The following NOL8 variants were observed in gnomAD, a reference collection of about 807,000 sequenced individuals.
The protein encoded by NOL8 is nucleolar protein 8.
In NOL8, 93 loss-of-function variants were observed where a neutral mutation model predicts 116.1. The ratio of observed to expected loss-of-function variants is 0.80; its 90% CI spans 0.68 to 0.95. NOL8 has a LOEUF of 0.95. NOL8 is among the 40% of genes least tolerant of loss of function. NOL8 has a pLI of 0.00. For missense variants in NOL8, 1,291 were observed against 1,382.8 expected (o/e 0.93, Z 1.05); for synonymous variants, 419 against 469.0 (o/e 0.89, Z 1.38).
chr9:92,323,907 A>G, intron 2 of NOL8, 116 bp downstream of exon 2: 1 of 1,151,826 alleles, frequency 8.7e-7, no homozygotes. Context: ...CCTCCACAAC[A>G]TCACTTAAAA....
intron 14 of NOL8, 32 bp downstream of exon 14, chr9:92,299,858 G>T: frequency 6.2e-7 from 1 of 1,604,214 alleles, no homozygotes; most frequent in South Asian, 1.1e-5. Flanking sequence ...TACAAATTAT[G>T]AACTATGCCT....
chr9:92,303,747 G>A (rs925236637), intron 12 of NOL8, among the ~76,000 whole-genome samples: 2 of 152,168 alleles, frequency 1.3e-5, no homozygotes, highest in Non-Finnish European at 2.9e-5. Flanking sequence ...CAAGGCTACA[G>A]TGAGCTATGA....
chr9:92,303,559 T>C (rs540405725), intron 12 of NOL8, among the ~76,000 whole-genome samples: 3 of 152,214 alleles, frequency 2.0e-5, no homozygotes, highest in Non-Finnish European at 4.4e-5. Flanking sequence ...ATCTATTTAC[T>C]ATCTTGCCTG....
chr9:92,324,129 AT>A lies in NOL8; in HGVS notation c.32del (p.Tyr11LeufsTer50). 8 of 1,613,986 alleles carry A rather than the reference AT, an allele frequency of 5.0e-6. No individual in the cohort carries two copies. Among genetic ancestry groups the A allele is most frequent in the Non-Finnish European group, 6.8e-6 (8 of 1,179,858 alleles). The part of the protein sequence containing the change: MKVNRETKRL[Y>X]VGGLSQDISE... ...AAATGTCCTGGCTAAGGCCACCCAC[AT>A]AAAGGCGCTTCGTTTCTCTGTTCAC... On this transcript the variant is annotated frameshift_variant, in exon 2 of 17. Transcript: ENST00000442668. LOFTEE classifies it high-confidence loss of function.
rs374625611 is a variant in NOL8 at position 92,314,611 on chromosome 9, T to C, written c.2014A>G (p.Ile672Val). ...SSSEKRSKNP[I>V]SRPLEGKKSL... is the part of the protein sequence containing the mutation. ...TTCTTACCTTCTAATGGCCTAGAAA[T>C]AGGATTCTTACTTCTCTTTTCAGAA... Residue 672 changes from isoleucine to valine, a missense_variant, in exon 7 of 17, where the codon ATT (isoleucine) becomes GTT (valine). Coordinates refer to ENST00000442668, the MANE Select transcript of NOL8 (RefSeq NM_017948.6). The C allele has an allele frequency of 1.1e-5, 17 of 1,612,724 alleles. No homozygotes were observed. The African/African-American group carries it at 2.1e-4, about 20-fold the overall frequency.
chr9:92,310,960 T>C lies in NOL8; in HGVS notation c.2472+186A>G, dbSNP rs530417348. 4.6e-5 allele frequency: 27 copies of C among 585,362 alleles called. No individual in the cohort carries two copies. The South Asian group carries it at 5.6e-4, about 12-fold the overall frequency. 36.3% of individuals were successfully genotyped at this position (585,362 alleles called of 1,614,324 possible). A position where few individuals can be genotyped will look rare whatever the true frequency, so the allele number is the denominator to read the frequency against. Reference sequence around the variant, plus strand: ...TAATATTGATGTCATGCTGCAGATGTTGTGGAGAATATAGGTTCATATATA... The same window carrying C: ...TAATATTGATGTCATGCTGCAGATGCTGTGGAGAATATAGGTTCATATATA... On this transcript the variant is annotated intron_variant, in intron 8 of 16. Transcript: ENST00000442668.
chr9:92,304,439 A>G (rs1048334979), intron 12 of NOL8, among the ~76,000 whole-genome samples: 7 of 152,238 alleles, frequency 4.6e-5, no homozygotes, highest in African/African-American at 7.2e-5. Flanking sequence ...TACTCAAGGA[A>G]TAACAGAGAA....
intron 11 of NOL8, among the ~76,000 whole-genome samples, chr9:92,306,682 C>CT (rs1454670742): frequency 3.3e-5 from 5 of 152,170 alleles, no homozygotes; most frequent in African/African-American, 1.2e-4. Context: ...GCTATGACAT[C>CT]TAAGTGTATA....
chr9:92,315,773 C>A lies in NOL8; in HGVS notation c.852G>T (p.Lys284Asn). ...DTQKLKNLPF[K>N]TSGLETAKKR... ...TCTTGGCAGTTTCCAAGCCAGAAGT[C>A]TTAAAAGGTAGATTTTTAAGTTTCT... Residue 284 changes from lysine to asparagine, a missense_variant, in exon 7 of 17, where the codon AAG becomes AAT. Physicochemically the swap from Lys to Asn is moderately conservative, Grantham distance 94 (BLOSUM62 0). Coordinates refer to ENST00000442668, the MANE Select transcript of NOL8 (RefSeq NM_017948.6). 1 of 1,613,674 alleles carries A rather than the reference C, an allele frequency of 6.2e-7. No individual in the cohort carries two copies. The highest frequency in any genetic ancestry group is 8.5e-7 in the Non-Finnish European group (1 of 1,179,766).
At position 92,316,071 on chromosome 9, in the gene NOL8, G is replaced by C; in HGVS notation, c.554C>G (p.Thr185Ser). 1 of 1,613,902 alleles carries C rather than the reference G, an allele frequency of 6.2e-7. No individual in the cohort carries two copies. Among genetic ancestry groups the C allele is most frequent in the Non-Finnish European group, 8.5e-7 (1 of 1,179,826 alleles). Reference sequence around the variant, plus strand: ...CCAAGTCAGGCTGGATATAGGAATGGTGTTTGAGAAATCCTCCCCTATCTT... The same window carrying C: ...CCAAGTCAGGCTGGATATAGGAATGCTGTTTGAGAAATCCTCCCCTATCTT... Reference protein sequence around the residue: ...LKKIGEDFSNTIPISSLTWEL... With the variant: ...LKKIGEDFSNSIPISSLTWEL... The change falls in exon 7 of 17, where the codon ACC becomes AGC. Residue 185 changes from threonine to serine, a missense_variant. Coordinates refer to ENST00000442668, the MANE Select transcript of NOL8 (RefSeq NM_017948.6).
intron 13 of NOL8, 191 bp from the exon 14 acceptor site, chr9:92,300,207 A>T: frequency 8.0e-7 from 1 of 1,245,740 alleles, no homozygotes; most frequent in South Asian, 2.1e-5. Context: ...TTCAGAAGCC[A>T]CTATCATAAT....
At position 92,316,244 on chromosome 9, in the gene NOL8, C is replaced by G. The variant is rs867527131; in HGVS notation, c.487-106G>C. 2.3e-4 allele frequency: 284 copies of G among 1,231,176 alleles called. 1 individual carries two copies. The South Asian group carries it at 4.4e-3, about 19-fold the overall frequency. The allele number at this position is 1,231,176 out of a possible 1,614,324, so 76.3% of individuals were successfully genotyped here. A position where few individuals can be genotyped will look rare whatever the true frequency, so the allele number is the denominator to read the frequency against. ...ATCTCAAATAAGTCATTTCCCCCCCCTTTCAGTTTCCTGTAAAAGAAAATG... is the reference window on the plus strand; with the variant it reads ...ATCTCAAATAAGTCATTTCCCCCCCGTTTCAGTTTCCTGTAAAAGAAAATG... On this transcript the variant is annotated intron_variant, in intron 6 of 16. Transcript: ENST00000442668.
chr9:92,316,242 C>A, intron 6 of NOL8, 104 bp from the exon 7 acceptor site: 2 of 1,244,872 alleles, frequency 1.6e-6, no homozygotes, highest in Admixed American at 2.8e-5. Context: ...CATTTCCCCC[C>A]CCTTTCAGTT....
rs1387174314 is a variant in NOL8, at chr9:92,315,262, T to C, written c.1363A>G (p.Ser455Gly). 8.7e-6 allele frequency: 14 copies of C among 1,613,784 alleles called. No individual in the cohort carries two copies. The South Asian group carries it at 1.4e-4, about 16-fold the overall frequency. ...GATGCAGAATCAGCATCTTCACTGC[T>C]ACTGGAGTGAGAGGGAGATTTACGA... Reference protein sequence around the residue: ...LNRKSPSHSSSSEDADSASEL... With the variant: ...LNRKSPSHSSGSEDADSASEL... Residue 455 changes from serine (S) to glycine (G), a missense_variant, in exon 7 of 17, where the codon AGC (serine) becomes GGC (glycine). Coordinates refer to ENST00000442668, the MANE Select transcript of NOL8 (RefSeq NM_017948.6).
chr9:92,298,422 G>C (rs964096474), intron 15 of NOL8, 86 bp from the exon 16 acceptor site: 1 of 751,282 alleles, frequency 1.3e-6, no homozygotes, highest in African/African-American at 1.8e-5. Context: ...TCAAGGTCTC[G>C]AATACCAGTT....
chr9:92,320,435 A>G (rs756864485), intron 4 of NOL8: 50 of 216,686 alleles, frequency 2.3e-4, no homozygotes, highest in Non-Finnish European at 4.0e-4. Context: ...CTTCAGCTGA[A>G]GAACAAAATC....
intron 7 of NOL8, among the ~76,000 whole-genome samples, chr9:92,312,171 T>C (rs1421446534): frequency 6.6e-6 from 1 of 152,002 alleles, no homozygotes; most frequent in African/African-American, 2.4e-5. Context: ...GGGGGAGCAA[T>C]AGGCCAGGTA....
chr9:92,298,280 C>A lies in NOL8; in HGVS notation c.3430G>T (p.Ala1144Ser), dbSNP rs777197319. 3.7e-6 allele frequency: 6 copies of A among 1,608,606 alleles called. No homozygotes were observed. Among genetic ancestry groups the A allele is most frequent in the African/African-American group, 1.3e-5 (1 of 74,802 alleles). The change falls in exon 16 of 17, where the codon GCC becomes TCC. Residue 1144 changes from alanine (A) to serine (S), a missense_variant. Ala to Ser is a moderately conservative substitution (Grantham distance 99). Transcript: ENST00000442668. Reference protein sequence around the residue: ...GSNMSRNSWEARTTNLRMDCR... With the variant: ...GSNMSRNSWESRTTNLRMDCR... ...ACCATACGCAGGTTGGTTGTTCTGG[C>A]CTCCCAAGAGTTCCTGCTCATATTA...
intron 12 of NOL8, among the ~76,000 whole-genome samples, chr9:92,305,439 G>A (rs1244836070): frequency 2.0e-5 from 3 of 152,122 alleles, no homozygotes; most frequent in African/African-American, 7.2e-5. Flanking sequence ...AATAATTTTT[G>A]TGATTTTAAG....
Sources: allele counts gnomAD v4.1 joint callset (sites outside exome capture counted in the v4.1 genomes callset), GRCh38; gene constraint gnomAD v4.1.1; transcripts MANE v1.5; gene names NCBI Gene and HGNC (gene_info 2026-07-23, HGNC 2026-07-21).